TMPRSS15: variants seen among roughly 807,000 people sequenced by gnomAD.
The protein encoded by TMPRSS15 is transmembrane serine protease 15, also known as enteropeptidase.
TMPRSS15 carries 128 observed loss-of-function variants against 125.3 expected under a neutral mutation model. The ratio of observed to expected loss-of-function variants is 1.02; its 90% CI spans 0.89 to 1.18. The LOEUF (loss-of-function observed/expected upper bound fraction) is 1.18, where lower values mean the gene tolerates loss of function less well. TMPRSS15 is among the 50% of genes most tolerant of loss of function. The pLI, the probability that TMPRSS15 is intolerant of heterozygous loss-of-function variation, is 0.00. For synonymous variants in TMPRSS15, 446 were observed against 423.2 expected (o/e 1.05, Z -0.66); for missense variants, 1,283 against 1,212.7 (o/e 1.06, Z -0.86).
intron 1 of TMPRSS15, among the ~76,000 whole-genome samples, chr21:18,411,787 G>T (rs996307906): frequency 6.6e-6 from 1 of 152,028 alleles, no homozygotes; most frequent in Non-Finnish European, 1.5e-5. Context: ...ATCTACTTTT[G>T]TCTGTAAAGT....
intron 18 of TMPRSS15, among the ~76,000 whole-genome samples, chr21:18,311,384 G>A (rs1464266269): frequency 1.3e-5 from 2 of 151,874 alleles, no homozygotes; most frequent in East Asian, 3.9e-4. Context: ...CAAACAAATC[G>A]ACAAGAAATA....
At chr21:18,401,080 C>G (rs1490563261) in intron 1 of TMPRSS15, among the ~76,000 whole-genome samples, 1 of 152,056 alleles carries the variant, frequency 6.6e-6, no homozygotes, top group Non-Finnish European at 1.5e-5. Context: ...CGAAAAACAA[C>G]AGATGTTGAC....
At chr21:18,359,217 C>T (rs186902939) in intron 8 of TMPRSS15, among the ~76,000 whole-genome samples, 3 of 152,098 alleles carry the variant, frequency 2.0e-5, no homozygotes, top group Admixed American at 1.3e-4. Flanking sequence ...GCTTCCAGCC[C>T]CGTCCATGTG....
chr21:18,301,658 C>T (rs2074974811), intron 18 of TMPRSS15, among the ~76,000 whole-genome samples: 1 of 152,084 alleles, frequency 6.6e-6, no homozygotes, highest in African/African-American at 2.4e-5. Flanking sequence ...TTAAAATGTT[C>T]CATATTTGCA....
intron 18 of TMPRSS15, among the ~76,000 whole-genome samples, chr21:18,310,741 A>G (rs890288565): frequency 1.3e-5 from 2 of 152,136 alleles, no homozygotes; most frequent in African/African-American, 4.8e-5. Context: ...ACCACAAAAC[A>G]CACCAAATAG....
At chr21:18,387,868 T>C (rs961282296) in intron 3 of TMPRSS15, among the ~76,000 whole-genome samples, 2 of 152,174 alleles carry the variant, frequency 1.3e-5, no homozygotes, top group African/African-American at 4.8e-5. Context: ...GTAGGTACTG[T>C]TAGGTGAGAA....
At chr21:18,282,695 A>G (rs1418458985) in intron 21 of TMPRSS15, among the ~76,000 whole-genome samples, 2 of 152,244 alleles carry the variant, frequency 1.3e-5, no homozygotes, top group Non-Finnish European at 2.9e-5. Context: ...GCCAAGTGCA[A>G]TACCGAGAAC....
At chr21:18,311,846 A>G (rs180722128) in intron 18 of TMPRSS15, among the ~76,000 whole-genome samples, 8 of 152,294 alleles carry the variant, frequency 5.3e-5, no homozygotes, top group Admixed American at 5.2e-4. Context: ...CTAAGAGAAA[A>G]GCATATGTTT....
rs117885532 is a variant in TMPRSS15, at chr21:18,350,790, T to C, written c.1171+2113A>G. Among the ~76,000 whole-genome samples the C allele has an allele frequency of 4.1e-4, 63 of 151,840 alleles. 1 individual carries two copies. The East Asian group carries it at 7.7e-3, about 19-fold the overall frequency. Reference sequence around the variant, plus strand: ...TATATAATTTCCTATTCTCTGTTTTTTCTTGCTAGAATTTGTGTTTCATGA... The same window carrying C: ...TATATAATTTCCTATTCTCTGTTTTCTCTTGCTAGAATTTGTGTTTCATGA... On this transcript the variant is annotated intron_variant, in intron 10 of 24. Coordinates refer to ENST00000284885, the MANE Select transcript of TMPRSS15 (RefSeq NM_002772.3).
Position 18,430,124 on chromosome 21 carries a change from G to A in TMPRSS15, c.11-31795C>T, listed in dbSNP as rs73895607. Reference sequence around the variant, plus strand: ...GTCTTTGTGAAAGCTGTACCTCTTAGTAAATATCTGAAAATATTGCATTAA... The same window carrying A: ...GTCTTTGTGAAAGCTGTACCTCTTAATAAATATCTGAAAATATTGCATTAA... On this transcript the variant is annotated intron_variant, in intron 1 of 7. Coordinates refer to the TMPRSS15 transcript ENST00000422787. Among the ~76,000 whole-genome samples the A allele has an allele frequency of 5.5e-3, 836 of 152,160 alleles. 6 individuals are homozygous for A. Among genetic ancestry groups the A allele is most frequent in the African/African-American group, 0.02 (810 of 41,530 alleles).
intron 3 of TMPRSS15, among the ~76,000 whole-genome samples, chr21:18,388,049 C>G (rs1422532295): frequency 6.6e-6 from 1 of 152,056 alleles, no homozygotes; most frequent in Non-Finnish European, 1.5e-5. Context: ...TCTCCTGCTC[C>G]TGATTTCCTT....
At chr21:18,339,850 A>G (rs1036223535) in intron 13 of TMPRSS15, among the ~76,000 whole-genome samples, 1 of 152,166 alleles carries the variant, frequency 6.6e-6, no homozygotes, top group Non-Finnish European at 1.5e-5. Flanking sequence ...TGACATGGAT[A>G]ATTTGAATGG....
chr21:18,279,579 C>T (rs1469844516), intron 22 of TMPRSS15, among the ~76,000 whole-genome samples: 3 of 151,468 alleles, frequency 2.0e-5, no homozygotes, highest in Non-Finnish European at 4.4e-5. Context: ...CGTGATCTGC[C>T]CACCTCGGCC....
At chr21:18,431,012 G>C (rs2076215622) in intron 1 of TMPRSS15, among the ~76,000 whole-genome samples, 1 of 152,082 alleles carries the variant, frequency 6.6e-6, no homozygotes, top group Non-Finnish European at 1.5e-5. Flanking sequence ...AGATATATCT[G>C]ACTAAAAGCA....
intron 10 of TMPRSS15, among the ~76,000 whole-genome samples, chr21:18,352,142 G>A (rs1036901599): frequency 2.0e-5 from 3 of 151,690 alleles, no homozygotes; most frequent in Admixed American, 6.6e-5. Context: ...ATTATATTTG[G>A]TATTATGAAT....
intron 21 of TMPRSS15, among the ~76,000 whole-genome samples, chr21:18,290,568 C>A (rs1448610086): frequency 1.3e-5 from 2 of 149,430 alleles, no homozygotes; most frequent in African/African-American, 4.9e-5. Flanking sequence ...ATATTAAAAA[C>A]AAGAAATACA....
chr21:18,339,927 G>T (rs1489164257), intron 13 of TMPRSS15, among the ~76,000 whole-genome samples: 6 of 152,140 alleles, frequency 3.9e-5, no homozygotes, highest in Admixed American at 3.9e-4. Context: ...ACACAGGCTC[G>T]ATTTGGTTCT....
At chr21:18,305,637 T>C (rs2075030312) in intron 18 of TMPRSS15, among the ~76,000 whole-genome samples, 1 of 152,336 alleles carries the variant, frequency 6.6e-6, no homozygotes, top group African/African-American at 2.4e-5. Flanking sequence ...AACCAGGCTG[T>C]ACCTTCAAGA....
At chr21:18,319,391 C>T (rs1165870452) in intron 16 of TMPRSS15, among the ~76,000 whole-genome samples, 2 of 142,358 alleles carry the variant, frequency 1.4e-5, no homozygotes, top group Admixed American at 1.4e-4. Flanking sequence ...ACAGTAAAAA[C>T]AGTAACAGTA....
Sources: gnomAD v4.1 joint callset for allele counts (sites outside exome capture counted in the v4.1 genomes callset) on GRCh38, gnomAD v4.1.1 for gene constraint, MANE v1.5 for transcripts, NCBI Gene and HGNC (gene_info 2026-07-23, HGNC 2026-07-21) for gene names.